The following MIS18BP1 variants were observed in gnomAD, a reference collection of about 807,000 sequenced individuals.
MIS18BP1 encodes the protein MIS18 binding protein 1.
In MIS18BP1, 72 loss-of-function variants were observed where a neutral mutation model predicts 116.1. The ratio of observed to expected loss-of-function variants is 0.62; its 90% confidence interval spans 0.51 to 0.75. The LOEUF (loss-of-function observed/expected upper bound fraction) is 0.75, where lower values mean the gene tolerates loss of function less well. Ranked by LOEUF, MIS18BP1 falls within the 30% of genes least tolerant of loss-of-function variation. The pLI is 0.00. For missense variants in MIS18BP1, 1,363 were observed against 1,303.2 expected (o/e 1.05, Z -0.71); for synonymous variants, 386 against 427.0 (o/e 0.90, Z 1.18).
At chr14:45,216,967 AAG>A in intron 13 of MIS18BP1, 50 bp downstream of exon 13, 1 of 1,567,070 alleles carries the variant, frequency 6.4e-7, no homozygotes, top group Non-Finnish European at 8.7e-7. Flanking sequence ...ATAAAAATGA[AAG>A]ATACAAAAGT....
At chr14:45,216,786 T>A (rs1890829750) in intron 13 of MIS18BP1, among the ~76,000 whole-genome samples, 1 of 152,212 alleles carries the variant, frequency 6.6e-6, no homozygotes, top group South Asian at 2.1e-4. Context: ...TAATTCTAGG[T>A]TTACTTTACT....
chr14:45,216,068 AAT>A (rs1890809663), intron 13 of MIS18BP1, among the ~76,000 whole-genome samples: 1 of 152,204 alleles, frequency 6.6e-6, no homozygotes, highest in African/African-American at 2.4e-5. Context: ...ATGTGCATTT[AAT>A]ATTTGTATTG....
In MIS18BP1 at chr14:45,203,925, T is replaced by C; in HGVS notation, c.*184A>G. ...CTACACGAGCAAAAACAATTTTCTT[T>C]ACATTTTTAGTAAGCTGCAGCAATG... On this transcript the variant is annotated 3_prime_UTR_variant, in exon 17 of 17. Coordinates refer to ENST00000310806, the MANE Select transcript of MIS18BP1 (RefSeq NM_018353.5). 1 of 752,572 alleles carries C rather than the reference T, an allele frequency of 1.3e-6. No homozygotes were observed. The highest frequency in any genetic ancestry group is 3.8e-5 in the South Asian group (1 of 26,620). 46.6% of individuals were successfully genotyped at this position (752,572 alleles called of 1,614,324 possible).
At chr14:45,229,379 C>T (rs1891214547) in intron 8 of MIS18BP1, among the ~76,000 whole-genome samples, 1 of 151,894 alleles carries the variant, frequency 6.6e-6, no homozygotes, top group Admixed American at 6.6e-5. Flanking sequence ...TACTGTATGC[C>T]TGTAGTCCCA....
chr14:45,227,755 TGTGGCACATGTTTAATTCTGTAGCTCCTG>T lies in MIS18BP1; in HGVS notation c.1625_1653del (p.Pro542GlnfsTer2), dbSNP rs1351626287. The T allele has an allele frequency of 2.5e-6, 4 of 1,613,916 alleles. No homozygotes were observed. Among genetic ancestry groups the T allele is most frequent in the Non-Finnish European group, 1.7e-6 (2 of 1,179,874 alleles). ...AATGTTGGTTTATTTTGGCAATTAC[TGTGGCACATGTTTAATTCTGTAGCTCCTG>T]GTGACTCACTGTGCTTATTACTCTT... On this transcript the variant is annotated frameshift_variant, in exon 9 of 17. Coordinates refer to ENST00000310806, the MANE Select transcript of MIS18BP1 (RefSeq NM_018353.5). LOFTEE classifies it high-confidence loss of function.
intron 13 of MIS18BP1, 123 bp downstream of exon 13, chr14:45,216,896 G>A: frequency 9.9e-7 from 1 of 1,008,078 alleles, no homozygotes; most frequent in South Asian, 1.6e-5. Flanking sequence ...ATAAGACTAT[G>A]ATCATGTCTA....
rs184672765 is a variant in MIS18BP1, at chr14:45,250,517, T to C, written c.-92+2518A>G. ...ACGCCTGTCCTGAAGCCAAGCACATTTGTTGACCTAACAGATGGAGGTCAC... is the reference window on the plus strand; with the variant it reads ...ACGCCTGTCCTGAAGCCAAGCACATCTGTTGACCTAACAGATGGAGGTCAC... On this transcript the variant is annotated intron_variant, in intron 1 of 16. Coordinates refer to ENST00000310806, the MANE Select transcript of MIS18BP1 (RefSeq NM_018353.5). Among the ~76,000 whole-genome samples the C allele has an allele frequency of 1.0e-3, 159 of 152,084 alleles. 1 individual carries two copies. The highest frequency in any genetic ancestry group is 3.1e-3 in the Admixed American group (47 of 15,288).
rs201805059 is a variant in MIS18BP1 at position 45,224,104 on chromosome 14, A to T, written c.2483T>A (p.Phe828Tyr). ...EPETEESENE[F>Y]YIKQKKARPS... ...TCTAGCTTTCTTTTGTTTGATATAA[A>T]ATTCATTTTCACTTTCTTCAGTTTC... is the stretch of plus-strand genomic sequence containing the variant. The change falls in exon 11 of 17, where the codon TTT (phenylalanine) becomes TAT (tyrosine). Residue 828 changes from phenylalanine (F) to tyrosine (Y), a missense_variant. By Grantham distance (22) the Phe-to-Tyr change is conservative (BLOSUM62 3). Transcript: ENST00000310806. 287 of 1,612,224 alleles carry T rather than the reference A, an allele frequency of 1.8e-4. No homozygotes were observed. The highest frequency in any genetic ancestry group is 2.3e-4 in the Non-Finnish European group (277 of 1,179,666).
In MIS18BP1 at chr14:45,218,326, TTCTGGGATCCTTTTCC is replaced by T; in HGVS notation, c.2782_2797del (p.Gly928AsnfsTer29). ...GGCTGGCTTCTTCTTAGTGACATGTTTCTGGGATCCTTTTCCTCTGGGATTTTCCATGTATTTCCTC... is the reference window on the plus strand; with the variant it reads ...GGCTGGCTTCTTCTTAGTGACATGTTTCTGGGATTTTCCATGTATTTCCTC... On this transcript the variant is annotated frameshift_variant, in exon 12 of 17. Transcript: ENST00000310806. LOFTEE classifies it high-confidence loss of function. 6.2e-7 allele frequency: 1 copy of T among 1,614,080 alleles called. No homozygotes were observed. Among genetic ancestry groups the T allele is most frequent in the Non-Finnish European group, 8.5e-7 (1 of 1,179,998 alleles).
chr14:45,210,816 C>A (rs557011841), intron 13 of MIS18BP1, among the ~76,000 whole-genome samples: 1 of 152,138 alleles, frequency 6.6e-6, no homozygotes, highest in African/African-American at 2.4e-5. Flanking sequence ...TTGGTGTTAT[C>A]GTAAACACAT....
At chr14:45,250,810 G>A (rs1451894137) in intron 1 of MIS18BP1, among the ~76,000 whole-genome samples, 2 of 151,962 alleles carry the variant, frequency 1.3e-5, no homozygotes, top group Non-Finnish European at 2.9e-5. Flanking sequence ...GGCGAATGAC[G>A]GCGAATCACG....
chr14:45,217,527 A>G (rs1890856034), intron 12 of MIS18BP1, among the ~76,000 whole-genome samples: 1 of 152,154 alleles, frequency 6.6e-6, no homozygotes. Flanking sequence ...GGGATCTGGG[A>G]TTTGTGCAAT....
At position 45,220,402 on chromosome 14, in the gene MIS18BP1, CA is replaced by C. The variant is rs548957528; in HGVS notation, c.2670-1949del. Among the ~76,000 whole-genome samples the C allele has an allele frequency of 3.2e-3, 492 of 152,250 alleles. 3 individuals are homozygous for C. The highest frequency in any genetic ancestry group is 0.011 in the African/African-American group (463 of 41,558). On this transcript the variant is annotated intron_variant, in intron 11 of 16. Transcript: ENST00000310806. ...ATGTGTCCCTACCCAAGACTCATATCAAAATGTAATTCCCAGTATTGGAAGT... is the reference window on the plus strand; with the variant it reads ...ATGTGTCCCTACCCAAGACTCATATCAAATGTAATTCCCAGTATTGGAAGT...
Position 45,242,107 on chromosome 14 carries a change from G to A in MIS18BP1, c.1070C>T (p.Ser357Leu). ...AGAAAGCTTTGAAATATTTCTTTTTGACCTCCGAGGTATTGTTATATGAAG... is the reference window on the plus strand; with the variant it reads ...AGAAAGCTTTGAAATATTTCTTTTTAACCTCCGAGGTATTGTTATATGAAG... Reference protein sequence around the residue: ...PRLHITIPRRSKRNISKLSPP... With the variant: ...PRLHITIPRRLKRNISKLSPP... The change falls in exon 4 of 17, where the codon TCA becomes TTA. Residue 357 changes from serine (S) to leucine (L), a missense_variant. Coordinates refer to ENST00000310806, the MANE Select transcript of MIS18BP1 (RefSeq NM_018353.5). 6.2e-7 allele frequency: 1 copy of A among 1,613,282 alleles called. No individual in the cohort carries two copies. The highest frequency in any genetic ancestry group is 8.5e-7 in the Non-Finnish European group (1 of 1,179,754).
rs375664063 is a variant in MIS18BP1 at position 45,235,815 on chromosome 14, T to C, written c.1347A>G (p.Ala449=). 2 of 1,596,240 alleles carry C rather than the reference T, an allele frequency of 1.3e-6. No homozygotes were observed. The highest frequency in any genetic ancestry group is 2.7e-5 in the African/African-American group (2 of 73,892). ...TTATCAATAATGACAGTCATTTACC[T>C]GCTTCTTTCATGGAAATTTGGTCTA... The part of the protein sequence containing the change: ...GMIDQISMKE[A]GYPNYLIRKF... Residue 449 remains alanine, a splice_region_variant and synonymous_variant, in exon 6 of 17, where the codon GCA becomes GCG. Coordinates refer to ENST00000310806, the MANE Select transcript of MIS18BP1 (RefSeq NM_018353.5).
rs1450024328 is a variant in MIS18BP1 at position 45,203,435 on chromosome 14, A to G, written c.*674T>C. Reference sequence around the variant, plus strand: ...GTCAAAATATTTAAGCTGTTTCTGCATATGTAAATAAGGCTTAAAAATTAG... The same window carrying G: ...GTCAAAATATTTAAGCTGTTTCTGCGTATGTAAATAAGGCTTAAAAATTAG... On this transcript the variant is annotated 3_prime_UTR_variant, in exon 17 of 17. Transcript: ENST00000310806. 1 of 152,160 alleles carries G rather than the reference A, an allele frequency of 6.6e-6. No individual in the cohort carries two copies. The highest frequency in any genetic ancestry group is 2.4e-5 in the African/African-American group (1 of 41,444). 9.4% of individuals were successfully genotyped at this position (152,160 alleles called of 1,614,324 possible). A position where few individuals can be genotyped will look rare whatever the true frequency, so the allele number is the denominator to read the frequency against.
chr14:45,241,958 G>C (rs1162268462), intron 4 of MIS18BP1, 76 bp downstream of exon 4: 4 of 1,444,472 alleles, frequency 2.8e-6, no homozygotes, highest in Non-Finnish European at 3.7e-6. Context: ...AAAATAATGA[G>C]AGAACATTAA....
At chr14:45,245,692 A>G (rs1048646327) in intron 2 of MIS18BP1, among the ~76,000 whole-genome samples, 2 of 151,994 alleles carry the variant, frequency 1.3e-5, no homozygotes, top group Non-Finnish European at 2.9e-5. Context: ...TCTACCTTCC[A>G]AATGCTGGAG....
rs763890300 is a variant in MIS18BP1 at position 45,253,188 on chromosome 14, C to G, written c.-245G>C. Reference sequence around the variant, plus strand: ...CAAGCGACGCTTACCTCCTCCGCGACGTTCTCTAACACACAAAACACTTCC... The same window carrying G: ...CAAGCGACGCTTACCTCCTCCGCGAGGTTCTCTAACACACAAAACACTTCC... On this transcript the variant is annotated 5_prime_UTR_variant, in exon 1 of 17. Transcript: ENST00000310806. 3 of 152,280 alleles carry G rather than the reference C, an allele frequency of 2.0e-5. No individual in the cohort carries two copies. The highest frequency in any genetic ancestry group is 4.4e-5 in the Non-Finnish European group (3 of 68,078). The allele number at this position is 152,280 out of a possible 1,614,324, so 9.4% of individuals were successfully genotyped here. A position where few individuals can be genotyped will look rare whatever the true frequency, so the allele number is the denominator to read the frequency against.
Sources: allele counts gnomAD v4.1 joint callset (sites outside exome capture counted in the v4.1 genomes callset), GRCh38; gene constraint gnomAD v4.1.1; transcripts MANE v1.5; gene names NCBI Gene and HGNC (gene_info 2026-07-23, HGNC 2026-07-21).